FLVCR2: variants seen among roughly 807,000 people sequenced by gnomAD.
The protein encoded by FLVCR2 is FLVCR choline and putative heme transporter 2, also known as choline/ethanolamine transporter FLVCR2.
Under a neutral mutation model 48.9 loss-of-function variants are expected in FLVCR2, and 38 were observed. The ratio of observed to expected loss-of-function variants is 0.78; its 90% CI spans 0.60 to 1.02. FLVCR2 has a LOEUF of 1.02. Among genes scored for constraint, FLVCR2 ranks in the 50% least tolerant of loss-of-function variants. The probability of loss-of-function intolerance (pLI) is 0.00; values close to 1 mark genes in which losing one functional copy is unlikely to be tolerated. For synonymous variants in FLVCR2, 255 were observed against 257.0 expected (o/e 0.99, Z 0.07); for missense variants, 664 against 663.3 (o/e 1.00, Z -0.01).
At chr14:75,635,557 T>A (rs948495405) in intron 5 of FLVCR2, among the ~76,000 whole-genome samples, 1 of 152,200 alleles carries the variant, frequency 6.6e-6, no homozygotes, top group South Asian at 2.1e-4. Context: ...TCTAAGAGCC[T>A]GGAGCTATTT....
Position 75,624,757 on chromosome 14 carries a change from G to T in FLVCR2, c.952+5G>T. On this transcript the variant is annotated splice_donor_5th_base_variant and intron_variant, in intron 3 of 9. Coordinates refer to ENST00000238667, the MANE Select transcript of FLVCR2 (RefSeq NM_017791.3). ...TGCTGCTTGTCATCACCTATGGTAA[G>T]GTGTCAATGTGTCTAGGAATGCATT... is the stretch of plus-strand genomic sequence containing the variant. 1 of 1,614,090 alleles carries T rather than the reference G, an allele frequency of 6.2e-7. No individual in the cohort carries two copies. The highest frequency in any genetic ancestry group is 1.3e-5 in the African/African-American group (1 of 75,032).
intron 1 of FLVCR2, among the ~76,000 whole-genome samples, chr14:75,591,300 C>T (rs1039249961): frequency 1.3e-5 from 2 of 152,216 alleles, no homozygotes; most frequent in Non-Finnish European, 2.9e-5. Flanking sequence ...ACCTTGGCCT[C>T]TCAGAGTGCC....
At chr14:75,583,933 C>T (rs1476611070) in intron 1 of FLVCR2, among the ~76,000 whole-genome samples, 5 of 152,178 alleles carry the variant, frequency 3.3e-5, no homozygotes, top group Non-Finnish European at 5.9e-5. Flanking sequence ...GATTGGGCAG[C>T]GTCAGTCTTC....
At chr14:75,644,051 AGAG>A (rs1435344626) in intron 9 of FLVCR2, among the ~76,000 whole-genome samples, 1 of 125,486 alleles carries the variant, frequency 8.0e-6, no homozygotes, top group Non-Finnish European at 1.8e-5. Flanking sequence ...AAAAAAAAAA[AGAG>A]AGAGAGAGAA....
chr14:75,620,610 C>G (rs1403008585), intron 1 of FLVCR2, among the ~76,000 whole-genome samples: 1 of 152,180 alleles, frequency 6.6e-6, no homozygotes, highest in Admixed American at 6.5e-5. Context: ...TTATTAAGCT[C>G]CTTGAAGGCA....
chr14:75,641,434 A>G (rs1890306844), intron 8 of FLVCR2, 141 bp downstream of exon 8: 2 of 709,204 alleles, frequency 2.8e-6, no homozygotes, highest in South Asian at 3.0e-5. Context: ...GAGGCAGCAC[A>G]TTGTTTTGGT....
chr14:75,639,643 CT>C (rs1411114922), intron 6 of FLVCR2, among the ~76,000 whole-genome samples, 181 bp downstream of exon 6: 3 of 152,258 alleles, frequency 2.0e-5, no homozygotes, highest in East Asian at 3.9e-4. Context: ...CCTGGGCTGT[CT>C]GTTCTTTTGG....
chr14:75,640,254 G>A (rs1331739796), intron 6 of FLVCR2, among the ~76,000 whole-genome samples: 132 of 96,266 alleles, frequency 1.4e-3, no homozygotes, highest in African/African-American at 4.2e-3. Flanking sequence ...GTGAGACTCC[G>A]TCTCAAAAAA....
At chr14:75,619,569 C>T (rs1458470574) in intron 1 of FLVCR2, among the ~76,000 whole-genome samples, 1 of 152,124 alleles carries the variant, frequency 6.6e-6, no homozygotes, top group African/African-American at 2.4e-5. Flanking sequence ...ATAGACTCTC[C>T]CTAAACACTG....
intron 1 of FLVCR2, among the ~76,000 whole-genome samples, chr14:75,581,039 T>C (rs1888587906): frequency 6.6e-6 from 1 of 151,886 alleles, no homozygotes; most frequent in Non-Finnish European, 1.5e-5. Flanking sequence ...TTCTCAGGAC[T>C]GCTTCGAGCG....
intron 1 of FLVCR2, among the ~76,000 whole-genome samples, chr14:75,593,887 T>C (rs1888953877): frequency 6.6e-6 from 1 of 152,260 alleles, no homozygotes; most frequent in African/African-American, 2.4e-5. Context: ...ATGGCCAGCC[T>C]TCAGATTTCC....
chr14:75,616,026 C>CAAAA (rs10629813), intron 1 of FLVCR2, among the ~76,000 whole-genome samples: 2,072 of 25,528 alleles, frequency 0.081, 420 homozygotes, highest in African/African-American at 0.14. Context: ...GACTCCATCT[C>CAAAA]AAAAAAAAAA....
At chr14:75,625,087 A>AT (rs11455736) in intron 3 of FLVCR2, among the ~76,000 whole-genome samples, 112,546 of 150,420 alleles carry the variant, frequency 0.75, 43,469 homozygotes, top group Admixed American at 0.83. Context: ...TTAAAAAAAA[A>AT]TTTTTTTGCA....
chr14:75,605,626 T>C (rs1400125446), intron 1 of FLVCR2: 2 of 1,535,842 alleles, frequency 1.3e-6, no homozygotes, highest in South Asian at 1.2e-5. Flanking sequence ...AGACAGGAGG[T>C]GAGGATAGAT....
At chr14:75,637,663 A>T (rs923090821) in intron 5 of FLVCR2, among the ~76,000 whole-genome samples, 6 of 150,002 alleles carry the variant, frequency 4.0e-5, no homozygotes, top group Non-Finnish European at 8.9e-5. Context: ...TGGGAGGCGG[A>T]GCTTGCAGTG....
Position 75,641,984 on chromosome 14 carries a change from C to T in FLVCR2, c.1509+86C>T. The T allele has an allele frequency of 2.5e-6, 3 of 1,208,436 alleles. No homozygotes were observed. The South Asian group carries it at 3.6e-5, about 15-fold the overall frequency. The allele number at this position is 1,208,436 out of a possible 1,614,324, so 74.9% of individuals were successfully genotyped here. ...GGCAACATAGATGGGGCAGGGAGAA[C>T]TCCCACAGGGACTGGTTTTGTCATA... is the stretch of plus-strand genomic sequence containing the variant. On this transcript the variant is annotated intron_variant, in intron 9 of 9. Coordinates refer to ENST00000238667, the MANE Select transcript of FLVCR2 (RefSeq NM_017791.3).
At position 75,626,284 on chromosome 14, in the gene FLVCR2, G is replaced by A. The variant is rs374792402; in HGVS notation, c.952+1532G>A. ...TGGGATTACAGGTGTGAGCCACTGC[G>A]CCCAGCCAAAATCTGCATTCTTAAT... On this transcript the variant is annotated intron_variant, in intron 3 of 9. Coordinates refer to ENST00000238667, the MANE Select transcript of FLVCR2 (RefSeq NM_017791.3). Among the ~76,000 whole-genome samples the A allele has an allele frequency of 1.3e-4, 20 of 152,014 alleles. No homozygotes were observed. The East Asian group carries it at 2.9e-3, about 22-fold the overall frequency.
At chr14:75,641,412 G>A (rs1468119902) in intron 8 of FLVCR2, 119 bp downstream of exon 8, 1 of 732,122 alleles carries the variant, frequency 1.4e-6, no homozygotes, top group African/African-American at 1.7e-5. Context: ...GGTTTGTTGG[G>A]GAATCTGTTG....
At chr14:75,600,286 A>AC (rs1457295903) in intron 1 of FLVCR2, among the ~76,000 whole-genome samples, 2 of 152,122 alleles carry the variant, frequency 1.3e-5, no homozygotes, top group African/African-American at 4.8e-5. Context: ...AAGGAAAGAA[A>AC]CCCTTAGTTC....
Sources: allele counts gnomAD v4.1 joint callset (sites outside exome capture counted in the v4.1 genomes callset), GRCh38; gene constraint gnomAD v4.1.1; transcripts MANE v1.5; gene names NCBI Gene and HGNC (gene_info 2026-07-23, HGNC 2026-07-21).